The following HHAT variants were observed in gnomAD, a reference collection of about 807,000 sequenced individuals.
HHAT encodes protein-cysteine N-palmitoyltransferase HHAT.
Under a neutral mutation model 70.8 loss-of-function variants are expected in HHAT, and 47 were observed. That is an observed-to-expected ratio of 0.66 (90% CI 0.53 to 0.85). HHAT has a LOEUF of 0.85. Among genes scored for constraint, HHAT ranks in the 40% least tolerant of loss-of-function variants. The pLI, the probability that HHAT is intolerant of heterozygous loss-of-function variation, is 0.00. For synonymous variants in HHAT, 228 were observed against 247.6 expected, an observed-to-expected ratio of 0.92 and a Z score of 0.74; for missense variants, 609 against 604.8, an observed-to-expected ratio of 1.01 and a Z score of -0.07.
intron 7 of HHAT, among the ~76,000 whole-genome samples, chr1:210,452,989 C>A (rs2093785401): frequency 6.6e-6 from 1 of 152,124 alleles, no homozygotes; most frequent in Non-Finnish European, 1.5e-5. Flanking sequence ...TGTAAGTAAT[C>A]AGAGTTTTTT....
chr1:210,566,642 G>A (rs1654820395), intron 9 of HHAT, among the ~76,000 whole-genome samples: 1 of 152,078 alleles, frequency 6.6e-6, no homozygotes, highest in African/African-American at 2.4e-5. Context: ...GAGGAGTTCA[G>A]CTGGTGATGA....
chr1:210,519,343 T>G (rs2095113036), intron 9 of HHAT, among the ~76,000 whole-genome samples: 1 of 152,188 alleles, frequency 6.6e-6, no homozygotes, highest in Admixed American at 6.5e-5. Context: ...AATATACTGA[T>G]GTTCTTTCCT....
At chr1:210,481,327 T>C (rs949478766) in intron 8 of HHAT, among the ~76,000 whole-genome samples, 1 of 152,200 alleles carries the variant, frequency 6.6e-6, no homozygotes, top group African/African-American at 2.4e-5. Flanking sequence ...AAAGATGCCT[T>C]CTTTACCATA....
intron 11 of HHAT, among the ~76,000 whole-genome samples, chr1:210,630,354 A>ATTGCTATGG (rs1343646346): frequency 1.3e-5 from 2 of 152,202 alleles, no homozygotes; most frequent in African/African-American, 4.8e-5. Flanking sequence ...GACATGGGCA[A>ATTGCTATGG]TTGCTATGGT....
chr1:210,499,729 G>A (rs2094718388), intron 8 of HHAT, among the ~76,000 whole-genome samples: 1 of 152,160 alleles, frequency 6.6e-6, no homozygotes, highest in East Asian at 1.9e-4. Flanking sequence ...TGCCCAAGGA[G>A]ACACTTAGAC....
At chr1:210,453,037 G>A (rs1002147483) in intron 7 of HHAT, among the ~76,000 whole-genome samples, 1 of 152,100 alleles carries the variant, frequency 6.6e-6, no homozygotes, top group East Asian at 1.9e-4. Flanking sequence ...TTGAAATAAC[G>A]CCTGTGCACC....
At position 210,647,888 on chromosome 1, in the gene HHAT, T is replaced by C. The variant is rs563793563; in HGVS notation, c.1390+24218T>C. Among the ~76,000 whole-genome samples, 10 of 152,332 alleles carry C rather than the reference T, an allele frequency of 6.6e-5. No individual in the cohort carries two copies. In the South Asian group the frequency reaches 2.1e-3, roughly 32 times the overall value. On this transcript the variant is annotated intron_variant, in intron 11 of 11. Coordinates refer to ENST00000261458, the MANE Select transcript of HHAT (RefSeq NM_018194.6). Reference sequence around the variant, plus strand: ...GTTTTAGCTAGGTCAAGTCACATAGTAGGTACATTTCAGAGTGGGGCTTTA... The same window carrying C: ...GTTTTAGCTAGGTCAAGTCACATAGCAGGTACATTTCAGAGTGGGGCTTTA...
chr1:210,333,117 T>C (rs1457534097), intron 1 of HHAT, among the ~76,000 whole-genome samples: 1 of 152,210 alleles, frequency 6.6e-6, no homozygotes. Context: ...TGGAAGTACA[T>C]CAACTCACTT....
At chr1:210,352,358 A>C (rs1253421901) in intron 2 of HHAT, among the ~76,000 whole-genome samples, 2 of 152,170 alleles carry the variant, frequency 1.3e-5, no homozygotes, top group African/African-American at 4.8e-5. Flanking sequence ...GCCATGCCTA[A>C]GTATGTTCAA....
At chr1:210,451,814 A>G (rs1331058904) in intron 7 of HHAT, among the ~76,000 whole-genome samples, 1 of 152,200 alleles carries the variant, frequency 6.6e-6, no homozygotes. Context: ...CTTGGTCTCC[A>G]GTGATCTTCC....
At chr1:210,451,235 G>T (rs927177928) in intron 7 of HHAT, among the ~76,000 whole-genome samples, 14 of 152,130 alleles carry the variant, frequency 9.2e-5, no homozygotes, top group African/African-American at 3.4e-4. Context: ...TCTCAGACTA[G>T]CAGAGCATTG....
chr1:210,380,959 G>A (rs1306540155), intron 3 of HHAT, among the ~76,000 whole-genome samples: 1 of 152,000 alleles, frequency 6.6e-6, no homozygotes, highest in African/African-American at 2.4e-5. Context: ...GCTAAGGGGA[G>A]CACATGAAGA....
chr1:210,396,227 A>AG (rs1367448368), intron 4 of HHAT, among the ~76,000 whole-genome samples: 25 of 152,176 alleles, frequency 1.6e-4, no homozygotes, highest in Non-Finnish European at 3.2e-4. Context: ...ATCTCCTATT[A>AG]GAAATGGAAG....
intron 11 of HHAT, among the ~76,000 whole-genome samples, chr1:210,659,111 G>A (rs748366493): frequency 4.6e-5 from 7 of 152,086 alleles, no homozygotes; most frequent in South Asian, 2.1e-4. Context: ...AGGAGATAGA[G>A]ACACAAAAAA....
chr1:210,425,335 G>A lies in HHAT; in HGVS notation c.856+7010G>A, dbSNP rs552130028. Among the ~76,000 whole-genome samples the A allele has an allele frequency of 2.1e-3, 323 of 152,250 alleles. 1 individual carries two copies. Among genetic ancestry groups the A allele is most frequent in the Non-Finnish European group, 3.6e-3 (245 of 68,006 alleles). ...TGTTGATAGTTTGTTTTGCTGTGCAGAAGCTCTTTAATTAGATCCCATTTG... is the reference window on the plus strand; with the variant it reads ...TGTTGATAGTTTGTTTTGCTGTGCAAAAGCTCTTTAATTAGATCCCATTTG... On this transcript the variant is annotated intron_variant, in intron 7 of 11. Coordinates refer to ENST00000261458, the MANE Select transcript of HHAT (RefSeq NM_018194.6).
At chr1:210,429,151 G>A (rs1030863301) in intron 7 of HHAT, among the ~76,000 whole-genome samples, 10 of 151,844 alleles carry the variant, frequency 6.6e-5, no homozygotes, top group African/African-American at 2.2e-4. Context: ...ATGTTTGAAG[G>A]AATTATATAA....
intron 6 of HHAT, among the ~76,000 whole-genome samples, 166 bp from the exon 7 acceptor site, chr1:210,417,988 C>T (rs911530488): frequency 6.6e-6 from 1 of 152,154 alleles, no homozygotes; most frequent in African/African-American, 2.4e-5. Flanking sequence ...AGCTGAAATA[C>T]GATTCTTCCA....
intron 11 of HHAT, among the ~76,000 whole-genome samples, chr1:210,634,666 G>T (rs1259804409): frequency 2.6e-5 from 4 of 152,138 alleles, no homozygotes; most frequent in Non-Finnish European, 4.4e-5. Flanking sequence ...TCCTGATCTT[G>T]TTGTTTTTCT....
At chr1:210,609,774 G>A (rs1196785645) in intron 10 of HHAT, among the ~76,000 whole-genome samples, 1 of 152,132 alleles carries the variant, frequency 6.6e-6, no homozygotes, top group Non-Finnish European at 1.5e-5. Flanking sequence ...TTGGTTTTCT[G>A]TTCCTGCATT....
Sources: allele counts gnomAD v4.1 joint callset (sites outside exome capture counted in the v4.1 genomes callset), GRCh38; gene constraint gnomAD v4.1.1; transcripts MANE v1.5; gene names NCBI Gene and HGNC (gene_info 2026-07-23, HGNC 2026-07-21).